The following SYTL5 variants were observed in gnomAD, a reference collection of about 807,000 sequenced individuals.
SYTL5 encodes synaptotagmin-like protein 5.
SYTL5 carries 34 observed loss-of-function variants against 55.9 expected under a neutral mutation model. The ratio of observed to expected loss-of-function variants is 0.61; its 90% CI spans 0.46 to 0.81. The LOEUF (loss-of-function observed/expected upper bound fraction) is 0.81, where lower values mean the gene tolerates loss of function less well. SYTL5 is among the 30% of genes least tolerant of loss of function. The probability of loss-of-function intolerance (pLI) is 0.00; values close to 1 mark genes in which losing one functional copy is unlikely to be tolerated. For synonymous variants in SYTL5, 221 were observed against 188.7 expected, an observed-to-expected ratio of 1.17 and a Z score of -1.40; for missense variants, 637 against 546.7, an observed-to-expected ratio of 1.17 and a Z score of -1.65.
chrX:38,018,239 C>T (rs939396273), intron 1 of SYTL5, among the ~76,000 whole-genome samples: 1 of 111,022 alleles, frequency 9.0e-6, no homozygotes, highest in African/African-American at 3.3e-5. Context: ...TGGAGGCCTG[C>T]GTTAGTGAGA....
chrX:37,933,666 G>T, the SYTL5 span, among the ~76,000 whole-genome samples: 50 of 111,936 alleles, frequency 4.5e-4, no homozygotes, highest in African/African-American at 1.6e-3. Context: ...GTAGACAATA[G>T]GCTAAACAAA....
At chrX:37,913,127 T>C in the SYTL5 span, among the ~76,000 whole-genome samples, 6 of 111,648 alleles carry the variant, frequency 5.4e-5, no homozygotes, top group African/African-American at 1.6e-4. Context: ...TCTTGGACCA[T>C]GGAGTGACTG....
At chrX:37,947,980 A>G in the SYTL5 span, among the ~76,000 whole-genome samples, 6 of 112,068 alleles carry the variant, frequency 5.4e-5, no homozygotes, top group Non-Finnish European at 7.5e-5. Context: ...AAACAAAACC[A>G]AAGTACCAAA....
At chrX:37,972,681 C>T in the SYTL5 span, among the ~76,000 whole-genome samples, 1 of 111,756 alleles carries the variant, frequency 8.9e-6, no homozygotes, top group Non-Finnish European at 1.9e-5. Context: ...ACATGTGCCC[C>T]AGGTCTTTGG....
chrX:38,028,686 T>C (rs1934857590), intron 1 of SYTL5, among the ~76,000 whole-genome samples: 1 of 111,995 alleles, frequency 8.9e-6, no homozygotes, highest in South Asian at 3.7e-4. Flanking sequence ...ATTTCAGCTT[T>C]TCATGAGAGT....
At chrX:38,110,805 G>A (rs2147640420) in intron 13 of SYTL5, among the ~76,000 whole-genome samples, 1 of 111,489 alleles carries the variant, frequency 9.0e-6, no homozygotes, top group East Asian at 2.8e-4. Context: ...TCACATAGGC[G>A]AAACCAAATT....
chrX:38,092,900 G>T (rs779184082), intron 7 of SYTL5, among the ~76,000 whole-genome samples: 24 of 111,952 alleles, frequency 2.1e-4, no homozygotes, highest in African/African-American at 6.5e-4. Flanking sequence ...GCTTGTTAAT[G>T]ACAGTGCAAT....
intron 6 of SYTL5, among the ~76,000 whole-genome samples, chrX:38,080,852 T>C (rs1388786972): frequency 1.8e-5 from 2 of 111,791 alleles, no homozygotes; most frequent in Non-Finnish European, 3.8e-5. Flanking sequence ...AGCCTCTTAC[T>C]AGAAATTTGA....
chrX:38,075,376 G>A (rs917691534), intron 5 of SYTL5, among the ~76,000 whole-genome samples: 1 of 111,704 alleles, frequency 9.0e-6, no homozygotes, highest in Non-Finnish European at 1.9e-5. Flanking sequence ...CTAAAACAGA[G>A]GAGGGTGTTC....
chrX:37,993,432 C>T, the SYTL5 span, among the ~76,000 whole-genome samples: 13 of 112,119 alleles, frequency 1.2e-4, no homozygotes, highest in African/African-American at 3.9e-4. Context: ...CCAAGTTTGC[C>T]TAGCTCTGAT....
the SYTL5 span, among the ~76,000 whole-genome samples, chrX:37,930,983 C>T: frequency 8.9e-6 from 1 of 111,906 alleles, no homozygotes; most frequent in East Asian, 2.8e-4. Context: ...TGTGCCTGGA[C>T]TCAGAATCAA....
Position 38,054,323 on chromosome X carries a change from G to A in SYTL5, c.230G>A (p.Arg77Gln), listed in dbSNP as rs780574469. Residue 77 changes from arginine (R) to glutamine (Q), a missense_variant, in exon 3 of 17, where the codon CGG becomes CAG. Arg to Gln is a conservative substitution (Grantham distance 43). Transcript: ENST00000297875. ...CHRNLGLIFD[R>Q]GDPCQACSLR... ...AGAAACCTGGGCCTAATCTTTGACC[G>A]GGGAGACCCTTGTCAGGCTTGCTCA... is the stretch of plus-strand genomic sequence containing the variant. The A allele has an allele frequency of 8.3e-6, 10 of 1,208,684 alleles. No homozygotes were observed. Among genetic ancestry groups the A allele is most frequent in the South Asian group, 1.8e-5 (1 of 56,765 alleles).
intron 11 of SYTL5, 28 bp from the exon 12 acceptor site, chrX:38,108,572 A>C (rs1472859805): frequency 5.7e-6 from 6 of 1,054,743 alleles, no homozygotes; most frequent in Non-Finnish European, 7.8e-6. Context: ...GTTTCACAAT[A>C]ATTACATTTA....
intron 1 of SYTL5, among the ~76,000 whole-genome samples, chrX:38,016,860 C>T (rs112899726): frequency 3.2e-3 from 361 of 112,247 alleles, no homozygotes; most frequent in African/African-American, 0.011. Context: ...TATTTTCCAA[C>T]ACTAACTCAC....
At chrX:37,899,922 A>G in the SYTL5 span, among the ~76,000 whole-genome samples, 1 of 109,626 alleles carries the variant, frequency 9.1e-6, no homozygotes, top group African/African-American at 3.5e-5. Flanking sequence ...TTTAAAAAAA[A>G]CAAGCAACAC....
the SYTL5 span, among the ~76,000 whole-genome samples, chrX:37,967,130 C>A: frequency 2.7e-5 from 3 of 111,478 alleles, no homozygotes; most frequent in South Asian, 1.1e-3. Context: ...CGGCTTACGG[C>A]GACCTCTGCC....
the SYTL5 span, among the ~76,000 whole-genome samples, chrX:37,931,340 G>A: frequency 9.0e-6 from 1 of 111,590 alleles, no homozygotes; most frequent in East Asian, 2.8e-4. Context: ...TACTAAGTTA[G>A]CAAACAGTAC....
chrX:38,009,365 A>G (rs562593612), intron 1 of SYTL5, among the ~76,000 whole-genome samples: 2 of 112,168 alleles, frequency 1.8e-5, no homozygotes, highest in South Asian at 7.5e-4. Flanking sequence ...GTCACTCGAC[A>G]TTCATCATGA....
rs761672835 is a variant in SYTL5 at position 38,127,478 on chromosome X, G to A, written c.*748G>A. 5 of 111,632 alleles carry A rather than the reference G, an allele frequency of 4.5e-5. No individual in the cohort carries two copies. The highest frequency in any genetic ancestry group is 1.3e-4 in the African/African-American group (4 of 30,689). 9.2% of individuals were successfully genotyped at this position (111,632 alleles called of 1,213,427 possible). On this transcript the variant is annotated 3_prime_UTR_variant, in exon 17 of 17. Coordinates refer to ENST00000297875, the MANE Select transcript of SYTL5 (RefSeq NM_138780.3). ...AAATGTTCTAAGCCATTAACTAAAA[G>A]GAAATGAGATATAATGGTCAATTGA... is the stretch of plus-strand genomic sequence containing the variant.
Sources: gnomAD v4.1 joint callset for allele counts (sites outside exome capture counted in the v4.1 genomes callset) on GRCh38, gnomAD v4.1.1 for gene constraint, MANE v1.5 for transcripts, NCBI Gene and HGNC (gene_info 2026-07-23, HGNC 2026-07-21) for gene names.